Variants in DNAAF4 observed in about 807,000 individuals in gnomAD.
DNAAF4 encodes the protein dynein assembly factor 4, axonemal.
A neutral mutation model predicts 51.8 loss-of-function variants in DNAAF4; 43 were observed. The observed-to-expected ratio is 0.83, with a 90% confidence interval of 0.65 to 1.07. The LOEUF (loss-of-function observed/expected upper bound fraction) is 1.07. Among genes scored for constraint, DNAAF4 ranks in the 50% least tolerant of loss-of-function variants. The pLI is 0.00. For missense variants in DNAAF4, 581 were observed against 493.0 expected, an observed-to-expected ratio of 1.18 and a Z score of -1.69; for synonymous variants, 194 against 165.6, an observed-to-expected ratio of 1.17 and a Z score of -1.32.
intron 7 of DNAAF4, among the ~76,000 whole-genome samples, chr15:55,421,519 T>C (rs1454666013): frequency 6.6e-6 from 1 of 151,964 alleles, no homozygotes; most frequent in African/African-American, 2.4e-5. Context: ...AATAAAATTA[T>C]CAGGATAAGT....
At chr15:55,501,277 T>G (rs1471446307) in intron 1 of DNAAF4, among the ~76,000 whole-genome samples, 2 of 151,718 alleles carry the variant, frequency 1.3e-5, no homozygotes, top group Non-Finnish European at 2.9e-5. Context: ...TTGGCCAAGA[T>G]GGTCTCGATC....
chr15:55,485,811 G>A (rs576519050), intron 4 of DNAAF4, among the ~76,000 whole-genome samples: 7 of 151,928 alleles, frequency 4.6e-5, no homozygotes, highest in Admixed American at 3.9e-4. Context: ...TGGCTAACAC[G>A]GTGAAACCCC....
At chr15:55,490,947 C>T (rs1028490639) in intron 4 of DNAAF4, 176 bp downstream of exon 4, 2 of 623,222 alleles carry the variant, frequency 3.2e-6, no homozygotes, top group Admixed American at 3.5e-5. Context: ...GAGTGAGACT[C>T]GGTCTCAAGA....
At chr15:55,448,518 G>A (rs867578372) in intron 6 of DNAAF4, among the ~76,000 whole-genome samples, 14,059 of 23,914 alleles carry the variant, frequency 0.59, 3,728 homozygotes, top group Middle Eastern at 0.64. Context: ...AAAAAAAAAA[G>A]GGTGTGTGTG....
chr15:55,470,088 G>A (rs534291447), intron 4 of DNAAF4, among the ~76,000 whole-genome samples: 62 of 149,230 alleles, frequency 4.2e-4, no homozygotes, highest in Admixed American at 2.4e-3. Flanking sequence ...GTCTCACTCC[G>A]TTGCCCAGGC....
chr15:55,443,506 A>G (rs1011730828), intron 6 of DNAAF4: 2 of 483,340 alleles, frequency 4.1e-6, no homozygotes, highest in Non-Finnish European at 7.4e-6. Context: ...TGCAATAAAC[A>G]TACATGTGCA....
At chr15:55,473,202 T>TATAG (rs1567023311) in intron 4 of DNAAF4, among the ~76,000 whole-genome samples, 12 of 56,998 alleles carry the variant, frequency 2.1e-4, no homozygotes, top group Non-Finnish European at 4.0e-4. Flanking sequence ...AAAAAAAATA[T>TATAG]ATATATATAT....
intron 5 of DNAAF4, among the ~76,000 whole-genome samples, chr15:55,450,620 A>C (rs1340645485): frequency 6.6e-6 from 1 of 152,090 alleles, no homozygotes; most frequent in African/African-American, 2.4e-5. Context: ...ATTCACATCA[A>C]CTCTAAGGGA....
intron 7 of DNAAF4, among the ~76,000 whole-genome samples, chr15:55,420,748 A>C (rs2057381684): frequency 1.3e-5 from 2 of 152,214 alleles, no homozygotes; most frequent in South Asian, 4.1e-4. Flanking sequence ...CTTGCAGTAT[A>C]AACCATACAA....
intron 4 of DNAAF4, among the ~76,000 whole-genome samples, chr15:55,490,075 T>C (rs1389080668): frequency 6.6e-6 from 1 of 152,092 alleles, no homozygotes; most frequent in Non-Finnish European, 1.5e-5. Context: ...GGTTTCACTG[T>C]GTTGGCCAGG....
intron 1 of DNAAF4, 128 bp from the exon 2 acceptor site, chr15:55,498,712 C>G (rs1243124629): frequency 5.9e-6 from 1 of 168,684 alleles, no homozygotes; most frequent in African/African-American, 2.4e-5. Context: ...TCGAGACCAG[C>G]CTGACCAACA....
chr15:55,451,902 T>G (rs2057938426), intron 5 of DNAAF4, among the ~76,000 whole-genome samples: 1 of 152,124 alleles, frequency 6.6e-6, no homozygotes, highest in South Asian at 2.1e-4. Flanking sequence ...ATTACAGGTG[T>G]AAGCCACCAC....
intron 5 of DNAAF4, among the ~76,000 whole-genome samples, chr15:55,458,744 T>C (rs1000995890): frequency 1.3e-5 from 2 of 152,092 alleles, no homozygotes; most frequent in African/African-American, 2.4e-5. Context: ...AGTCATCACA[T>C]TGTCTAAAGT....
intron 4 of DNAAF4, among the ~76,000 whole-genome samples, chr15:55,479,083 T>C (rs1056402944): frequency 3.3e-5 from 5 of 151,392 alleles, no homozygotes; most frequent in African/African-American, 9.7e-5. Flanking sequence ...CCACTAGCTG[T>C]ATGCACATTT....
At chr15:55,484,800 A>G (rs151243417) in intron 4 of DNAAF4, among the ~76,000 whole-genome samples, 1,715 of 152,284 alleles carry the variant, frequency 0.011, 17 homozygotes, top group South Asian at 0.016. Context: ...GGAAACACCC[A>G]GCACGAGCAA....
chr15:55,430,775 T>C lies in DNAAF4; in HGVS notation c.1158A>G (p.Leu386=), dbSNP rs780115269. 2.5e-6 allele frequency: 4 copies of C among 1,610,496 alleles called. No homozygotes were observed. Among genetic ancestry groups the C allele is most frequent in the South Asian group, 1.1e-5 (1 of 90,768 alleles). The change falls in exon 10 of 10, where the codon CTA becomes CTG. Residue 386 remains leucine (L), a synonymous_variant. Coordinates refer to ENST00000321149, the MANE Select transcript of DNAAF4 (RefSeq NM_130810.4). ...FCQLELYVEG[L]QDYEAALKID... ...TCTTAAGTGCCGCTTCATAATCCTG[T>C]AGGCCTGTGTTTATATAGCAATGAT...
chr15:55,455,013 T>C (rs1342560403), intron 5 of DNAAF4, among the ~76,000 whole-genome samples: 1 of 149,404 alleles, frequency 6.7e-6, no homozygotes, highest in Non-Finnish European at 1.5e-5. Context: ...AAATAAAAAC[T>C]TTATGAAAAT....
downstream of DNAAF4, among the ~76,000 whole-genome samples, chr15:55,429,382 G>T (rs539424322): frequency 6.6e-6 from 1 of 151,802 alleles, no homozygotes; most frequent in East Asian, 1.9e-4. Flanking sequence ...TTAATCAGGC[G>T]TGGTGGTGCC....
chr15:55,443,146 T>A (rs907312806), intron 6 of DNAAF4: 32 of 1,610,350 alleles, frequency 2.0e-5, no homozygotes, highest in Non-Finnish European at 2.6e-5. Flanking sequence ...CCAGGAGCCG[T>A]CTTCACATTT....
Sources: allele counts gnomAD v4.1 joint callset (sites outside exome capture counted in the v4.1 genomes callset), GRCh38; gene constraint gnomAD v4.1.1; transcripts MANE v1.5; gene names NCBI Gene and HGNC (gene_info 2026-07-23, HGNC 2026-07-21).